The following TTLL3 variants were observed in gnomAD, a reference collection of about 807,000 sequenced individuals.
TTLL3 encodes tubulin monoglycylase TTLL3.
A neutral mutation model predicts 75.2 loss-of-function variants in TTLL3; 63 were observed. The observed-to-expected ratio is 0.84, with a 90% confidence interval of 0.68 to 1.03. The LOEUF (loss-of-function observed/expected upper bound fraction) is 1.03, where lower values mean the gene tolerates loss of function less well. TTLL3 is among the 50% of genes least tolerant of loss of function. The pLI, the probability that TTLL3 is intolerant of heterozygous loss-of-function variation, is 0.00. For synonymous variants in TTLL3, 393 were observed against 418.5 expected (o/e 0.94, Z 0.74); for missense variants, 997 against 1,069.9 (o/e 0.93, Z 0.95).
rs2081095665 is a variant in TTLL3, at chr3:9,826,898, G to A, written c.1004-99G>A. ...TGAGGGAGACAGCCTTACCCACTCAGCCCTATCAGCTCCGAGGGGACAAGA... is the reference window on the plus strand; with the variant it reads ...TGAGGGAGACAGCCTTACCCACTCAACCCTATCAGCTCCGAGGGGACAAGA... On this transcript the variant is annotated intron_variant, in intron 9 of 13. Transcript: ENST00000685419. 2.5e-6 allele frequency: 4 copies of A among 1,570,898 alleles called. No individual in the cohort carries two copies. The Admixed American group carries it at 5.2e-5, about 20-fold the overall frequency.
chr3:9,827,608 A>T, intron 10 of TTLL3: 1 of 249,768 alleles, frequency 4.0e-6, no homozygotes, highest in Non-Finnish European at 7.9e-6. Flanking sequence ...TATGTTGCCC[A>T]GGTTGGTCTC....
rs2080166296 is a variant in TTLL3 at position 9,819,047 on chromosome 3, G to C, written c.658+127G>C. ...CTGGTTCATCCACACATCTGTGTATGATTCACATCTACCCATCTATCCATC... is the reference window on the plus strand; with the variant it reads ...CTGGTTCATCCACACATCTGTGTATCATTCACATCTACCCATCTATCCATC... On this transcript the variant is annotated intron_variant, in intron 7 of 13. Transcript: ENST00000685419. The C allele has an allele frequency of 2.5e-6, 3 of 1,219,234 alleles. No homozygotes were observed. The Admixed American group carries it at 6.0e-5, about 24-fold the overall frequency. The allele number at this position is 1,219,234 out of a possible 1,614,324, so 75.5% of individuals were successfully genotyped here.
In TTLL3 at chr3:9,817,641, G is replaced by C. The variant is rs376439177; in HGVS notation, c.445-4G>C. 5.9e-5 allele frequency: 96 copies of C among 1,613,940 alleles called. No homozygotes were observed. Among genetic ancestry groups the C allele is most frequent in the Non-Finnish European group, 7.6e-5 (90 of 1,180,034 alleles). On this transcript the variant is annotated splice_region_variant and splice_polypyrimidine_tract_variant and intron_variant, in intron 5 of 13. Coordinates refer to ENST00000685419, the MANE Select transcript of TTLL3 (RefSeq NM_001387446.1). ...CCCTGCCCTCTCAGTGGCTAACTCC[G>C]TAGGTGGGTCTATGTCTCAATCTCC...
chr3:9,829,171 C>T lies in TTLL3; in HGVS notation c.1459C>T (p.Gln487Ter), dbSNP rs1463880136. Residue 487 changes from glutamine to a stop codon, truncating the protein, a stop_gained, in exon 11 of 14, where the codon CAG (glutamine) becomes TAG (stop). Transcript: ENST00000685419. LOFTEE classifies it high-confidence loss of function. Reference protein sequence around the residue: ...HALQTSQDTVQCRKASFELYG... With the variant: ...HALQTSQDTV ...ACTTCAGACCTCCCAGGACACCGTG[C>T]AGTGTCGGAAGGCCAGCTTTGAGCT... is the stretch of plus-strand genomic sequence containing the variant. 4 of 1,614,100 alleles carry T rather than the reference C, an allele frequency of 2.5e-6. No individual in the cohort carries two copies. In the African/African-American group the frequency reaches 4.0e-5, roughly 16 times the overall value.
chr3:9,811,210 G>A (rs1249046997), intron 2 of TTLL3, among the ~76,000 whole-genome samples: 2 of 152,012 alleles, frequency 1.3e-5, no homozygotes, highest in Non-Finnish European at 1.5e-5. Flanking sequence ...CACCCTCTCC[G>A]TGCCCCTTCC....
rs146968287 is a variant in TTLL3, at chr3:9,829,212, C to T, written c.1500C>T (p.Phe500=). Residue 500 remains phenylalanine (F), a synonymous_variant, in exon 11 of 14, where the codon TTC becomes TTT. Coordinates refer to ENST00000685419, the MANE Select transcript of TTLL3 (RefSeq NM_001387446.1). ...GCTTTGAGCTCTATGGCGCTGACTT[C>T]GTGTTCGGGGAGGACTTCCAGCCCT... ...KASFELYGAD[F]VFGEDFQPWL... 7.4e-6 allele frequency: 12 copies of T among 1,614,086 alleles called. No individual in the cohort carries two copies. The highest frequency in any genetic ancestry group is 3.3e-5 in the Admixed American group (2 of 60,000).
intron 9 of TTLL3, among the ~76,000 whole-genome samples, chr3:9,826,725 C>CAAAAAAAAAAAAAAAAAAAAAAAAAAAA (rs36060940): frequency 1.3e-5 from 1 of 75,240 alleles, no homozygotes; most frequent in Non-Finnish European, 2.6e-5. Flanking sequence ...AGGGCTGTCT[C>CAAAAAAAAAAAAAAAAAAAAAAAAAAAA]AAAAAAAAAA....
chr3:9,826,725 CAAAAAA>C (rs36060940), intron 9 of TTLL3, among the ~76,000 whole-genome samples: 1 of 75,240 alleles, frequency 1.3e-5, no homozygotes. Flanking sequence ...AGGGCTGTCT[CAAAAAA>C]AAAAAAAAAA....
intron 4 of TTLL3, among the ~76,000 whole-genome samples, chr3:9,815,135 G>T (rs1373062187): frequency 6.6e-6 from 1 of 151,880 alleles, no homozygotes; most frequent in Non-Finnish European, 1.5e-5. Context: ...AGCTACTAGG[G>T]AGGCTGAGGC....
At chr3:9,821,069 A>C in intron 8 of TTLL3, 1 of 295,932 alleles carries the variant, frequency 3.4e-6, no homozygotes. Context: ...CACATTTGGA[A>C]AACACTGGAT....
chr3:9,809,957 G>GGATC, upstream of TTLL3: 1 of 1,289,740 alleles, frequency 7.8e-7, no homozygotes, highest in Non-Finnish European at 9.8e-7. Flanking sequence ...CGGCGACGCG[G>GGATC]AGGGGCGCGG....
In TTLL3 at chr3:9,822,772, CAT is replaced by C. The variant is rs1207021257; in HGVS notation, c.854+2044_854+2045del. Among the ~76,000 whole-genome samples, 68 of 141,822 alleles carry C rather than the reference CAT, an allele frequency of 4.8e-4. 1 individual carries two copies. The South Asian group carries it at 8.0e-3, about 17-fold the overall frequency. The allele number at this position is 141,822 out of a possible 152,430, so 93.0% of individuals were successfully genotyped here. A position where few individuals can be genotyped will look rare whatever the true frequency, so the allele number is the denominator to read the frequency against. ...TAATATATATAATACATAATATATA[CAT>C]ATATATATATATTTTTTAGAGACGT... is the stretch of plus-strand genomic sequence containing the variant. On this transcript the variant is annotated intron_variant, in intron 8 of 13. Coordinates refer to ENST00000685419, the MANE Select transcript of TTLL3 (RefSeq NM_001387446.1).
Position 9,835,426 on chromosome 3 carries a change from TG to T in TTLL3, c.2386del (p.Val796LeufsTer59). ...VKYLGLDSIA[V>X]GGSRVDGARP... is the part of the protein sequence containing the mutation. ...AGTATTTGGGGCTTGACTCCATTGC[TG>T]TTGGAGGGTCAAGAGTGGATGGGGC... On this transcript the variant is annotated frameshift_variant, in exon 14 of 14. Transcript: ENST00000685419. LOFTEE classifies it low-confidence loss of function (END_TRUNC). The T allele has an allele frequency of 6.2e-7, 1 of 1,612,780 alleles. No homozygotes were observed. Among genetic ancestry groups the T allele is most frequent in the Non-Finnish European group, 8.5e-7 (1 of 1,179,966 alleles).
chr3:9,822,721 G>A (rs777490125), intron 8 of TTLL3, among the ~76,000 whole-genome samples: 8 of 121,448 alleles, frequency 6.6e-5, no homozygotes, highest in Non-Finnish European at 1.4e-4. Context: ...ATCGTTGTAT[G>A]TATATATTAT....
chr3:9,833,684 T>TA (rs1289232943), intron 12 of TTLL3, among the ~76,000 whole-genome samples: 1 of 152,044 alleles, frequency 6.6e-6, no homozygotes, highest in African/African-American at 2.4e-5. Flanking sequence ...TGTTTAAAAA[T>TA]ACACAGCCAA....
chr3:9,831,312 T>C (rs2081509676), intron 11 of TTLL3, among the ~76,000 whole-genome samples: 2 of 152,214 alleles, frequency 1.3e-5, no homozygotes, highest in African/African-American at 2.4e-5. Flanking sequence ...TGTTTCCTTA[T>C]GGTGTGATTT....
Position 9,813,239 on chromosome 3 carries a change from C to T in TTLL3, c.218-9C>T. ...GGAAACTCATCAGCTCTGGGCTCTG[C>T]ATCCACAGAGGATGAAGATGAGGAC... On this transcript the variant is annotated splice_polypyrimidine_tract_variant and intron_variant, in intron 3 of 13. Transcript: ENST00000685419. 6.2e-7 allele frequency: 1 copy of T among 1,614,210 alleles called. No individual in the cohort carries two copies. Among genetic ancestry groups the T allele is most frequent in the Middle Eastern group, 1.6e-4 (1 of 6,062 alleles).
chr3:9,826,912 G>A (rs181958839), intron 9 of TTLL3, 85 bp from the exon 10 acceptor site: 48 of 1,586,006 alleles, frequency 3.0e-5, no homozygotes, highest in South Asian at 8.2e-5. Flanking sequence ...TATCAGCTCC[G>A]AGGGGACAAG....
intron 11 of TTLL3, among the ~76,000 whole-genome samples, chr3:9,831,211 C>T (rs940269516): frequency 2.6e-5 from 4 of 152,222 alleles, no homozygotes; most frequent in Middle Eastern, 3.4e-3. Flanking sequence ...TCTAGGCCAG[C>T]CCCAGTGCCT....
Sources: allele counts gnomAD v4.1 joint callset (sites outside exome capture counted in the v4.1 genomes callset), GRCh38; gene constraint gnomAD v4.1.1; transcripts MANE v1.5; gene names NCBI Gene and HGNC (gene_info 2026-07-23, HGNC 2026-07-21).